Variants in ARSD observed in about 807,000 individuals in gnomAD.
ARSD encodes arylsulfatase D.
ARSD carries 21 observed loss-of-function variants against 32.6 expected under a neutral mutation model. The observed-to-expected ratio is 0.64, with a 90% CI of 0.46 to 0.93. The LOEUF is 0.93. Ranked by LOEUF, ARSD falls within the 40% of genes least tolerant of loss-of-function variation. The pLI is 0.00. For synonymous variants in ARSD, 224 were observed against 237.4 expected (o/e 0.94, Z 0.52); for missense variants, 454 against 520.9 (o/e 0.87, Z 1.25).
chrX:2,925,682 A>C lies in ARSD; in HGVS notation c.128T>G (p.Ile43Ser), dbSNP rs763236043. The change falls in exon 2 of 10, where the codon ATC becomes AGC. Residue 43 changes from isoleucine (I) to serine (S), a missense_variant. Coordinates refer to ENST00000381154, the MANE Select transcript of ARSD (RefSeq NM_001669.4). ...TAGATCATCCGCCATGATCAGTAGG[A>C]TATTTGGTTTAAAGGCATTTGCAGT... ...PKTANAFKPN[I>S]LLIMADDLGT... The C allele has an allele frequency of 5.8e-6, 7 of 1,208,552 alleles. No homozygotes were observed. The Admixed American group carries it at 1.5e-4, about 27-fold the overall frequency.
At chrX:2,917,050 T>C (rs1170471366) in intron 5 of ARSD, among the ~76,000 whole-genome samples, 6 of 82,138 alleles carry the variant, frequency 7.3e-5, no homozygotes, top group African/African-American at 3.0e-4. Flanking sequence ...TTGGGCCATA[T>C]AGTGAGACAT....
chrX:2,913,113 C>T, intron 6 of ARSD, among the ~76,000 whole-genome samples: 1 of 111,784 alleles, frequency 8.9e-6, no homozygotes, highest in Non-Finnish European at 1.9e-5. Context: ...ACATCCATCG[C>T]TACATGTAAG....
At position 2,908,722 on chromosome X, in the gene ARSD, G is replaced by C; in HGVS notation, c.1419C>G (p.Asp473Glu). ...TGGCTGTGGGCAGCAGGTACTCACT[G>C]TCCTTCTGGTGCCAGCGTGCTGCGT... ...HLHAARWHQKDSGSVWKVHYT... is the reference protein window; with the variant it reads ...HLHAARWHQKESGSVWKVHYT... The change falls in exon 9 of 10, where the codon GAC (aspartate) becomes GAG (glutamate). Residue 473 changes from aspartate (D) to glutamate (E), a missense_variant and splice_region_variant. Asp to Glu is a conservative substitution (Grantham distance 45, BLOSUM62 2). Transcript: ENST00000381154. The C allele has an allele frequency of 4.2e-6, 5 of 1,192,571 alleles. No homozygotes were observed. The highest frequency in any genetic ancestry group is 5.6e-6 in the Non-Finnish European group (5 of 885,932).
intron 4 of ARSD, among the ~76,000 whole-genome samples, chrX:2,919,071 C>G (rs1346612975): frequency 9.1e-6 from 1 of 110,387 alleles, no homozygotes; most frequent in African/African-American, 3.3e-5. Flanking sequence ...GAGTTGCAAT[C>G]GTGCCACTGC....
intron 6 of ARSD, among the ~76,000 whole-genome samples, chrX:2,914,972 T>G (rs112858677): frequency 2.1e-4 from 23 of 111,314 alleles, no homozygotes; most frequent in African/African-American, 6.5e-4. Context: ...CTTCCCAGGC[T>G]CAAGCGATCC....
chrX:2,905,258 C>T lies in ARSD; in HGVS notation c.*2013G>A, dbSNP rs191013806. 3,088 of 238,019 alleles carry T rather than the reference C, an allele frequency of 0.013. 101 individuals are homozygous for T. Among genetic ancestry groups the T allele is most frequent in the African/African-American group, 0.084 (2,869 of 34,003 alleles). The allele number at this position is 238,019 out of a possible 1,213,427, so 19.6% of individuals were successfully genotyped here. ...TTAGAATCCCATCCTCACCTAATAC[C>T]TGGTATTGAACACTGCCTTTCTTAG... is the stretch of plus-strand genomic sequence containing the variant. On this transcript the variant is annotated 3_prime_UTR_variant, in exon 10 of 10. Coordinates refer to ENST00000381154, the MANE Select transcript of ARSD (RefSeq NM_001669.4).
In ARSD at chrX:2,920,696, G is replaced by A; in HGVS notation, c.344C>T (p.Ala115Val). ...SGMDASNGYR[A>V]LQWNAGSGGL... is the part of the protein sequence containing the mutation. The stretch of plus-strand genomic sequence containing the variant: ...ACCTGAGCCTGCGTTCCACTGAAGG[G>A]CCCGGTATCCATTGCTGGCGTCCAT... Residue 115 changes from alanine to valine, a missense_variant, in exon 4 of 10, where the codon GCC (alanine) becomes GTC (valine). Ala to Val is a moderately conservative substitution (Grantham distance 64). This residue lies in a region of ARSD where 271 missense variants were observed against 301.0 expected (regional missense o/e 0.90). Coordinates refer to ENST00000381154, the MANE Select transcript of ARSD (RefSeq NM_001669.4). 8.3e-7 allele frequency: 1 copy of A among 1,211,805 alleles called. No individual in the cohort carries two copies. Among genetic ancestry groups the A allele is most frequent in the Non-Finnish European group, 1.1e-6 (1 of 895,541 alleles).
intron 6 of ARSD, chrX:2,914,577 G>A: frequency 3.9e-6 from 4 of 1,013,977 alleles, no homozygotes; most frequent in South Asian, 1.9e-5. Flanking sequence ...ACTCTATCAC[G>A]ATGCTTGTCT....
chrX:2,904,290 G>T lies in ARSD; in HGVS notation c.*2981C>A, dbSNP rs2088836813. 1 of 111,395 alleles carries T rather than the reference G, an allele frequency of 9.0e-6. No homozygotes were observed. Among genetic ancestry groups the T allele is most frequent in the Non-Finnish European group, 1.9e-5 (1 of 53,138 alleles). 9.2% of individuals were successfully genotyped at this position (111,395 alleles called of 1,213,427 possible). A position where few individuals can be genotyped will look rare whatever the true frequency, so the allele number is the denominator to read the frequency against. The stretch of plus-strand genomic sequence containing the variant: ...TCCCAAGTCTAGGGCAGGGAGGGTA[G>T]TATCGGCATCACTTTCACTGCATTC... On this transcript the variant is annotated 3_prime_UTR_variant, in exon 10 of 10. Transcript: ENST00000381154.
chrX:2,908,040 A>G (rs1277560261), intron 9 of ARSD: 1 of 604,201 alleles, frequency 1.7e-6, no homozygotes, highest in Non-Finnish European at 2.0e-6. Context: ...TTATCTATCT[A>G]TCGCTACCTA....
intron 8 of ARSD, among the ~76,000 whole-genome samples, chrX:2,909,259 A>AGTG (rs2147306896): frequency 1.8e-5 from 2 of 109,229 alleles, no homozygotes; most frequent in South Asian, 8.1e-4. Flanking sequence ...GCACAATCTC[A>AGTG]GCTCATTGCA....
chrX:2,925,469 G>T (rs2089073728), intron 2 of ARSD, 147 bp downstream of exon 2: 1 of 593,117 alleles, frequency 1.7e-6, no homozygotes, highest in Non-Finnish European at 2.5e-6. Context: ...AGTTCCGCAT[G>T]GTTTAAAAGG....
chrX:2,922,606 G>A (rs1289082155), intron 2 of ARSD, among the ~76,000 whole-genome samples: 4 of 109,285 alleles, frequency 3.7e-5, no homozygotes, highest in African/African-American at 1.0e-4. Context: ...AGGCCTAGGC[G>A]GGCAGATCAC....
chrX:2,915,304 A>G (rs771334934), intron 6 of ARSD, among the ~76,000 whole-genome samples: 1 of 111,161 alleles, frequency 9.0e-6, no homozygotes, highest in East Asian at 2.8e-4. Context: ...ACAGGTGTGC[A>G]CCACCACACC....
intron 9 of ARSD, 168 bp from the exon 10 acceptor site, chrX:2,907,800 G>T: frequency 9.8e-7 from 1 of 1,024,480 alleles, no homozygotes; most frequent in Non-Finnish European, 1.2e-6. Flanking sequence ...CAAAGTCAGA[G>T]CATGTGTGTG....
chrX:2,907,317 T>C lies in ARSD; in HGVS notation c.1736A>G (p.His579Arg). 2 of 1,211,624 alleles carry C rather than the reference T, an allele frequency of 1.7e-6. No individual in the cohort carries two copies. ...CTCGTGGCATGAACAGAACGGGAAA[T>C]GTCCGCAGCACGGCTGCAGCCACGG... ...WKPWLQPCCG[H>R]FPFCSCHEDG... The change falls in exon 10 of 10, where the codon CAT becomes CGT. Residue 579 changes from histidine to arginine, a missense_variant. By Grantham distance (29) the His-to-Arg change is conservative. Around this residue, in one of 3 missense-constraint regions of ARSD, gnomAD observed 179 missense variants for 198.5 expected, o/e 0.90. Transcript: ENST00000381154.
intron 2 of ARSD, among the ~76,000 whole-genome samples, chrX:2,922,663 C>T (rs1259097693): frequency 3.7e-5 from 4 of 107,293 alleles, no homozygotes; most frequent in Admixed American, 1.0e-4. Context: ...GGTAAAACCC[C>T]GTCTCTACTA....
At chrX:2,914,647 A>G (rs777491922) in intron 6 of ARSD, 1 of 1,027,133 alleles carries the variant, frequency 9.7e-7, no homozygotes, top group East Asian at 6.1e-5. Context: ...AAGAATCTGC[A>G]GCCTCACTGG....
chrX:2,913,775 G>A, intron 6 of ARSD: 2 of 903,428 alleles, frequency 2.2e-6, no homozygotes, highest in Non-Finnish European at 2.8e-6. Flanking sequence ...AATCTCATGT[G>A]GAATTGTCAT....
Sources: allele counts gnomAD v4.1 joint callset (sites outside exome capture counted in the v4.1 genomes callset), GRCh38; gene constraint gnomAD v4.1.1; regional missense constraint gnomAD v4.1.1; transcripts MANE v1.5; gene names NCBI Gene and HGNC (gene_info 2026-07-23, HGNC 2026-07-21).